PLEKHM3: variants seen among roughly 807,000 people sequenced by gnomAD.
The protein encoded by PLEKHM3 is pleckstrin homology domain-containing family M member 3.
A neutral mutation model predicts 81.8 loss-of-function variants in PLEKHM3; 45 were observed. The observed-to-expected ratio is 0.55, with a 90% CI of 0.43 to 0.71. The LOEUF (loss-of-function observed/expected upper bound fraction) is 0.71, where lower values mean the gene tolerates loss of function less well. Among genes scored for constraint, PLEKHM3 ranks in the 30% least tolerant of loss-of-function variants. The pLI, the probability that PLEKHM3 is intolerant of heterozygous loss-of-function variation, is 0.00. For synonymous variants in PLEKHM3, 352 were observed against 356.4 expected (o/e 0.99, Z 0.14); for missense variants, 788 against 924.3 (o/e 0.85, Z 1.91).
intron 7 of PLEKHM3, among the ~76,000 whole-genome samples, chr2:207,852,258 T>C (rs892067093): frequency 6.6e-6 from 1 of 152,196 alleles, no homozygotes; most frequent in African/African-American, 2.4e-5. Context: ...TTTGGCCTTA[T>C]CTCTAGGGCC....
chr2:207,955,393 G>A (rs1336772015), intron 3 of PLEKHM3, among the ~76,000 whole-genome samples: 1 of 151,638 alleles, frequency 6.6e-6, no homozygotes, highest in African/African-American at 2.4e-5. Flanking sequence ...TCAAGAAAAT[G>A]GTAAGCAATT....
intron 1 of PLEKHM3, among the ~76,000 whole-genome samples, chr2:208,010,430 C>T (rs956657209): frequency 3.9e-5 from 6 of 152,206 alleles, no homozygotes; most frequent in Non-Finnish European, 5.9e-5. Context: ...ACTTCAGTTA[C>T]GAAATGTCTA....
intron 2 of PLEKHM3, among the ~76,000 whole-genome samples, chr2:207,982,483 T>A (rs1465468070): frequency 2.0e-5 from 3 of 151,348 alleles, no homozygotes; most frequent in Non-Finnish European, 4.4e-5. Flanking sequence ...TTGCCCAGGC[T>A]GGTCTCAAAC....
chr2:207,966,908 T>C (rs138773780), intron 3 of PLEKHM3, among the ~76,000 whole-genome samples: 110 of 152,300 alleles, frequency 7.2e-4, no homozygotes, highest in African/African-American at 2.5e-3. Context: ...CCAGATATGG[T>C]CTGGCCAGGG....
intron 7 of PLEKHM3, chr2:207,851,402 T>C (rs992899790): frequency 1.3e-5 from 2 of 152,182 alleles, no homozygotes; most frequent in African/African-American, 4.8e-5. Flanking sequence ...ATCTGGGCTT[T>C]ACGGTTTTTC....
At position 207,827,648 on chromosome 2, in the gene PLEKHM3, T is replaced by G. The variant is rs1433943665; in HGVS notation, c.*671A>C. 3 of 152,178 alleles carry G rather than the reference T, an allele frequency of 2.0e-5. No individual in the cohort carries two copies. The highest frequency in any genetic ancestry group is 7.2e-5 in the African/African-American group (3 of 41,420). The allele number at this position is 152,178 out of a possible 1,614,324, so 9.4% of individuals were successfully genotyped here. A position where few individuals can be genotyped will look rare whatever the true frequency, so the allele number is the denominator to read the frequency against. On this transcript the variant is annotated 3_prime_UTR_variant, in exon 8 of 8. Coordinates refer to ENST00000427836, the MANE Select transcript of PLEKHM3 (RefSeq NM_001080475.3). Reference sequence around the variant, plus strand: ...CAGGAAAAAAACTTCTGAGATTAACTTCAAAACCAGAACCAGCCCTCCTCA... The same window carrying G: ...CAGGAAAAAAACTTCTGAGATTAACGTCAAAACCAGAACCAGCCCTCCTCA...
intron 6 of PLEKHM3, among the ~76,000 whole-genome samples, chr2:207,878,754 A>G (rs2092571564): frequency 6.6e-6 from 1 of 152,338 alleles, no homozygotes; most frequent in Admixed American, 6.5e-5. Context: ...GGAAGTACAG[A>G]GTAGGGAGCT....
At chr2:207,837,296 A>C (rs2092324516) in intron 7 of PLEKHM3, among the ~76,000 whole-genome samples, 1 of 152,164 alleles carries the variant, frequency 6.6e-6, no homozygotes, top group Non-Finnish European at 1.5e-5. Context: ...AAATGAATTA[A>C]ATATGATTAA....
chr2:208,004,906 C>T (rs1692447600), intron 1 of PLEKHM3, among the ~76,000 whole-genome samples: 1 of 152,146 alleles, frequency 6.6e-6, no homozygotes, highest in African/African-American at 2.4e-5. Context: ...CTCACTGCAA[C>T]CTCTACCCCA....
chr2:207,949,808 A>T (rs149900996), intron 3 of PLEKHM3, among the ~76,000 whole-genome samples: 121 of 152,346 alleles, frequency 7.9e-4, no homozygotes, highest in African/African-American at 2.7e-3. Flanking sequence ...AACAGACATC[A>T]GTAAGCATTT....
intron 6 of PLEKHM3, among the ~76,000 whole-genome samples, chr2:207,870,312 C>T (rs908847586): frequency 6.6e-6 from 1 of 152,224 alleles, no homozygotes; most frequent in Non-Finnish European, 1.5e-5. Flanking sequence ...TTCCTTCCCT[C>T]TGATTTGTCA....
At chr2:207,979,030 A>G (rs1691427990) in intron 2 of PLEKHM3, among the ~76,000 whole-genome samples, 2 of 152,148 alleles carry the variant, frequency 1.3e-5, no homozygotes, top group African/African-American at 4.8e-5. Context: ...TAGGTACTTA[A>G]TAAGTACTTG....
intron 3 of PLEKHM3, among the ~76,000 whole-genome samples, chr2:207,951,721 T>G (rs1197754364): frequency 6.6e-6 from 1 of 152,210 alleles, no homozygotes. Flanking sequence ...TGCTGGGGGT[T>G]GTGCAGAATT....
chr2:207,838,304 C>T (rs533320867), intron 7 of PLEKHM3, among the ~76,000 whole-genome samples: 2 of 152,262 alleles, frequency 1.3e-5, no homozygotes, highest in Admixed American at 1.3e-4. Flanking sequence ...TCCTGCAATG[C>T]TCTTTTTATC....
intron 6 of PLEKHM3, among the ~76,000 whole-genome samples, chr2:207,877,784 T>C (rs769139188): frequency 6.6e-6 from 1 of 152,202 alleles, no homozygotes; most frequent in African/African-American, 2.4e-5. Flanking sequence ...TCCTCTAGTT[T>C]CAACCATTCC....
At chr2:207,905,002 T>G (rs1443884969) in intron 6 of PLEKHM3, among the ~76,000 whole-genome samples, 2 of 152,244 alleles carry the variant, frequency 1.3e-5, no homozygotes, top group African/African-American at 4.8e-5. Flanking sequence ...CCATGTTTAT[T>G]AAATTCTTAC....
At chr2:207,923,441 C>G (rs1337668216) in intron 5 of PLEKHM3, among the ~76,000 whole-genome samples, 3 of 151,974 alleles carry the variant, frequency 2.0e-5, no homozygotes, top group Non-Finnish European at 2.9e-5. Context: ...AACCCTGTCT[C>G]TACAAAAAAC....
chr2:207,971,599 T>G (rs1008243393), intron 3 of PLEKHM3, among the ~76,000 whole-genome samples: 1 of 152,164 alleles, frequency 6.6e-6, no homozygotes, highest in African/African-American at 2.4e-5. Context: ...TTAATCTAAT[T>G]TATATGGCAT....
chr2:207,987,532 A>G (rs1269892122), intron 2 of PLEKHM3, among the ~76,000 whole-genome samples: 1 of 152,234 alleles, frequency 6.6e-6, no homozygotes, highest in Non-Finnish European at 1.5e-5. Context: ...GCTGAGACAC[A>G]TGCGGACTCA....
Sources: gnomAD v4.1 joint callset for allele counts (sites outside exome capture counted in the v4.1 genomes callset) on GRCh38, gnomAD v4.1.1 for gene constraint, MANE v1.5 for transcripts, NCBI Gene and HGNC (gene_info 2026-07-23, HGNC 2026-07-21) for gene names.